SIK2: variants seen among roughly 807,000 people sequenced by gnomAD.
SIK2 encodes serine/threonine-protein kinase SIK2.
Under a neutral mutation model 103.2 loss-of-function variants are expected in SIK2, and 29 were observed. The observed-to-expected ratio is 0.28, with a 90% CI of 0.21 to 0.38. The LOEUF is 0.38. Ranked by LOEUF, SIK2 falls within the 10% of genes least tolerant of loss-of-function variation. The pLI, the probability that SIK2 is intolerant of heterozygous loss-of-function variation, is 1.00. For missense variants in SIK2, 879 were observed against 1,171.0 expected (o/e 0.75, Z 3.64); for synonymous variants, 412 against 446.1 (o/e 0.92, Z 0.96).
At position 111,705,271 on chromosome 11, in the gene SIK2, A is replaced by T. The variant is rs1182828315; in HGVS notation, c.1101+132A>T. ...TTTTTCTGTAAAATTTCTGCCTGCC[A>T]TTCACTAGATTCTCAAATGTTTTAG... On this transcript the variant is annotated intron_variant, in intron 8 of 14. Transcript: ENST00000304987. The surrounding 1 kb of genome is among the most constrained non-coding windows in gnomAD (Gnocchi z 4.3). The T allele has an allele frequency of 2.3e-6, 2 of 858,866 alleles. No homozygotes were observed. The highest frequency in any genetic ancestry group is 4.2e-5 in the Admixed American group (1 of 23,570). The allele number at this position is 858,866 out of a possible 1,614,324, so 53.2% of individuals were successfully genotyped here.
Position 111,704,998 on chromosome 11 carries a change from C to T in SIK2, c.960C>T (p.Asn320=). The T allele has an allele frequency of 6.2e-7, 1 of 1,604,676 alleles. No individual in the cohort carries two copies. The highest frequency in any genetic ancestry group is 1.1e-5 in the South Asian group (1 of 88,980). ...DQQKTIESLQ[N]KSYNHFAAIY... ...GTTTTTTATTTCAGTCTTTGCAGAACAAGAGCTATAACCACTTTGCTGCCA... is the reference window on the plus strand; with the variant it reads ...GTTTTTTATTTCAGTCTTTGCAGAATAAGAGCTATAACCACTTTGCTGCCA... The change falls in exon 8 of 15, where the codon AAC becomes AAT. Residue 320 remains asparagine, a synonymous_variant. Transcript: ENST00000304987.
intron 3 of SIK2, among the ~76,000 whole-genome samples, chr11:111,622,892 C>T (rs531427722): frequency 6.6e-6 from 1 of 152,190 alleles, no homozygotes; most frequent in East Asian, 1.9e-4. Flanking sequence ...TGGTTTTCTT[C>T]ATGATTCTTA....
chr11:111,691,735 A>G (rs771411878), intron 4 of SIK2, among the ~76,000 whole-genome samples: 22 of 152,202 alleles, frequency 1.4e-4, no homozygotes, highest in South Asian at 2.1e-4. Flanking sequence ...TTAATTCTCT[A>G]TCATCTCCAC....
intron 3 of SIK2, among the ~76,000 whole-genome samples, chr11:111,630,907 G>A (rs1942028990): frequency 1.3e-5 from 2 of 151,994 alleles, no homozygotes; most frequent in Non-Finnish European, 2.9e-5. Flanking sequence ...AGAATTGAGG[G>A]GTAATAGGGT....
At chr11:111,719,664 A>T in intron 9 of SIK2, 111 bp from the exon 10 acceptor site, 1 of 1,075,866 alleles carries the variant, frequency 9.3e-7, no homozygotes, top group Non-Finnish European at 1.4e-6. Flanking sequence ...GTGCATGTTT[A>T]AATATTTTAC....
intron 3 of SIK2, among the ~76,000 whole-genome samples, chr11:111,673,559 T>C (rs1942657347): frequency 6.6e-6 from 1 of 152,202 alleles, no homozygotes; most frequent in South Asian, 2.1e-4. Flanking sequence ...ATTTTCTACT[T>C]AGGATGTTGT....
chr11:111,617,849 T>A (rs1941828589), intron 2 of SIK2, among the ~76,000 whole-genome samples: 1 of 148,862 alleles, frequency 6.7e-6, no homozygotes, highest in Non-Finnish European at 1.5e-5. Flanking sequence ...TGTGTGTGTG[T>A]GTATATATAT....
intron 3 of SIK2, among the ~76,000 whole-genome samples, chr11:111,647,817 G>A (rs1287789687): frequency 6.8e-6 from 1 of 147,960 alleles, no homozygotes; most frequent in East Asian, 2.1e-4. Context: ...GCAGTGAGCT[G>A]AGATTGTGCC....
chr11:111,704,956 C>A, intron 7 of SIK2, 31 bp from the exon 8 acceptor site: 2 of 1,518,026 alleles, frequency 1.3e-6, no homozygotes, highest in Non-Finnish European at 1.8e-6. Context: ...CTTTACAGTT[C>A]TTTGCCTTTA....
At chr11:111,608,230 TA>T (rs550196971) in intron 1 of SIK2, among the ~76,000 whole-genome samples, 7 of 152,198 alleles carry the variant, frequency 4.6e-5, no homozygotes, top group Non-Finnish European at 1.0e-4. Flanking sequence ...GATCGAAAGA[TA>T]AACTTGGAAA....
chr11:111,670,358 C>T (rs558167111), intron 3 of SIK2, among the ~76,000 whole-genome samples: 126 of 152,308 alleles, frequency 8.3e-4, no homozygotes, highest in African/African-American at 2.8e-3. Context: ...AAATTTTCTT[C>T]GTGAAACGTA....
At chr11:111,662,960 C>G (rs190190376) in intron 3 of SIK2, among the ~76,000 whole-genome samples, 1 of 151,954 alleles carries the variant, frequency 6.6e-6, no homozygotes, top group African/African-American at 2.4e-5. Context: ...GGGCCAGGCA[C>G]AGTGGCTCAT....
At chr11:111,639,736 C>T (rs77091285) in intron 3 of SIK2, among the ~76,000 whole-genome samples, 194 of 152,250 alleles carry the variant, frequency 1.3e-3, no homozygotes, top group African/African-American at 4.5e-3. Flanking sequence ...TATACTCTCT[C>T]CTGCTTCTGT....
intron 4 of SIK2, among the ~76,000 whole-genome samples, chr11:111,700,256 A>T (rs1011985831): frequency 6.6e-6 from 1 of 152,206 alleles, no homozygotes; most frequent in Non-Finnish European, 1.5e-5. Context: ...TGCCACTGCG[A>T]TCCATAAATT....
intron 2 of SIK2, among the ~76,000 whole-genome samples, chr11:111,618,330 G>T (rs1286046572): frequency 6.6e-6 from 1 of 152,142 alleles, no homozygotes; most frequent in African/African-American, 2.4e-5. Context: ...GACTGCACCA[G>T]TCTGTGACCC....
Position 111,698,261 on chromosome 11 carries a change from C to T in SIK2, c.479-2625C>T, listed in dbSNP as rs549165297. Reference sequence around the variant, plus strand: ...AGCAGAGGTTGAAACTGGGCTACCACGGGTCCAGAGAAGTGTTCCCAGCTC... The same window carrying T: ...AGCAGAGGTTGAAACTGGGCTACCATGGGTCCAGAGAAGTGTTCCCAGCTC... On this transcript the variant is annotated intron_variant, in intron 4 of 14. Transcript: ENST00000304987. Among the ~76,000 whole-genome samples the T allele has an allele frequency of 2.6e-5, 4 of 152,306 alleles. No homozygotes were observed. The East Asian group carries it at 5.8e-4, about 22-fold the overall frequency.
intron 1 of SIK2, among the ~76,000 whole-genome samples, chr11:111,607,134 A>C (rs1941659388): frequency 6.6e-6 from 1 of 152,200 alleles, no homozygotes; most frequent in Admixed American, 6.5e-5. Context: ...AGTCTGTGGA[A>C]TCATAAAGAT....
intron 3 of SIK2, among the ~76,000 whole-genome samples, chr11:111,683,905 A>G (rs951386143): frequency 1.3e-5 from 2 of 152,162 alleles, no homozygotes; most frequent in African/African-American, 2.4e-5. Flanking sequence ...TGGCTCACTT[A>G]CTTCTATTAC....
chr11:111,660,030 C>T (rs1306746373), intron 3 of SIK2, among the ~76,000 whole-genome samples: 1 of 152,104 alleles, frequency 6.6e-6, no homozygotes, highest in African/African-American at 2.4e-5. Context: ...TTTTCTTAGG[C>T]GTGAGAAAAC....
Sources: allele counts gnomAD v4.1 joint callset (sites outside exome capture counted in the v4.1 genomes callset), GRCh38; gene constraint gnomAD v4.1.1; non-coding constraint Gnocchi (gnomAD v3.1); transcripts MANE v1.5; gene names NCBI Gene and HGNC (gene_info 2026-07-23, HGNC 2026-07-21).